CKM: variants seen among roughly 807,000 people sequenced by gnomAD.
CKM encodes creatine kinase M-type.
A neutral mutation model predicts 35.4 loss-of-function variants in CKM; 28 were observed. That is an observed-to-expected ratio of 0.79 (90% confidence interval 0.59 to 1.08). The LOEUF (loss-of-function observed/expected upper bound fraction) is 1.08. CKM is among the 50% of genes least tolerant of loss of function. The pLI is 0.00. For synonymous variants in CKM, 215 were observed against 204.4 expected, an observed-to-expected ratio of 1.05 and a Z score of -0.44; for missense variants, 484 against 509.8, an observed-to-expected ratio of 0.95 and a Z score of 0.49.
Position 45,306,990 on chromosome 19 carries a change from G to A in CKM, c.968-62C>T. ...GAAGGTGCAGAGGGGCTGGGACGTG[G>A]CCCCCGTGCCAAATGCAACAGCCGC... On this transcript the variant is annotated intron_variant, in intron 7 of 7. Transcript: ENST00000221476. The surrounding 1 kb of genome is among the most constrained non-coding windows in gnomAD (Gnocchi z 4.5). The A allele has an allele frequency of 1.9e-6, 3 of 1,566,770 alleles. No individual in the cohort carries two copies. Among genetic ancestry groups the A allele is most frequent in the Non-Finnish European group, 1.7e-6 (2 of 1,145,260 alleles).
At chr19:45,309,345 A>T in intron 5 of CKM, among the ~76,000 whole-genome samples, 1 of 151,956 alleles carries the variant, frequency 6.6e-6, no homozygotes, top group Non-Finnish European at 1.5e-5. Context: ...GCTTGAGCCC[A>T]GGAGTTCAAG....
At position 45,317,964 on chromosome 19, in the gene CKM, A is replaced by C. The variant is rs760997348; in HGVS notation, c.209T>G (p.Met70Arg). 9.3e-6 allele frequency: 15 copies of C among 1,613,822 alleles called. No homozygotes were observed. The highest frequency in any genetic ancestry group is 1.3e-5 in the Non-Finnish European group (15 of 1,179,966). The change falls in exon 3 of 8, where the codon ATG (methionine) becomes AGG (arginine). Residue 70 changes from methionine to arginine, a missense_variant. By Grantham distance (91) the Met-to-Arg change is moderately conservative. Coordinates refer to ENST00000221476, the MANE Select transcript of CKM (RefSeq NM_001824.5). Reference protein sequence around the residue: ...GVDNPGHPFIMTVGCVAGDEE... With the variant: ...GVDNPGHPFIRTVGCVAGDEE... The stretch of plus-strand genomic sequence containing the variant: ...ATCACCAGCCACGCAGCCCACGGTC[A>C]TGATGAAGGGGTGACCTGGAGGGGT...
intron 6 of CKM, among the ~76,000 whole-genome samples, chr19:45,307,973 C>T (rs1276073556): frequency 6.6e-6 from 1 of 151,366 alleles, no homozygotes; most frequent in Non-Finnish European, 1.5e-5. Flanking sequence ...AAGCGATTCT[C>T]CTGCCTCAGC....
rs191336443 is a variant in CKM at position 45,312,314 on chromosome 19, G to A, written c.482-394C>T. Among the ~76,000 whole-genome samples the A allele has an allele frequency of 5.0e-4, 76 of 152,336 alleles. 1 individual carries two copies. In the East Asian group the frequency reaches 0.012, roughly 25 times the overall value. On this transcript the variant is annotated intron_variant, in intron 4 of 7. Transcript: ENST00000221476. ...TATTATAAAGTAGAATGGTAGCCAG[G>A]TGCACTGGCACGAGCCTGTAGTCCA...
In CKM at chr19:45,307,548, C is replaced by A; in HGVS notation, c.880G>T (p.Gly294Cys). 1 of 1,614,170 alleles carries A rather than the reference C, an allele frequency of 6.2e-7. No individual in the cohort carries two copies. The highest frequency in any genetic ancestry group is 2.2e-5 in the East Asian group (1 of 44,890). ...PSNLGTGLRG[G>C]VHVKLAHLSK... ...AGGTGCGCCAGCTTCACATGCACGC[C>A]TCCACGCAGCCCAGTGCCCAGGTTG... Residue 294 changes from glycine to cysteine, a missense_variant, in exon 7 of 8, where the codon GGC (glycine) becomes TGC (cysteine). Transcript: ENST00000221476.
intron 5 of CKM, among the ~76,000 whole-genome samples, chr19:45,309,633 G>A (rs937007177): frequency 1.3e-5 from 2 of 151,804 alleles, no homozygotes; most frequent in Non-Finnish European, 2.9e-5. Context: ...AGGCTGAGGT[G>A]GGCGGATCAC....
At chr19:45,310,782 T>A (rs1166888368) in intron 5 of CKM, among the ~76,000 whole-genome samples, 5 of 135,180 alleles carry the variant, frequency 3.7e-5, no homozygotes, top group African/African-American at 1.4e-4. Context: ...TTTTTTTTTT[T>A]TTTTTTTTTG....
At chr19:45,308,347 C>T (rs955959878) in intron 6 of CKM, 62 bp downstream of exon 6, 2 of 1,608,012 alleles carry the variant, frequency 1.2e-6, no homozygotes, top group African/African-American at 2.7e-5. Context: ...GGCGGGGCCT[C>T]GGAAAGCAGG....
At chr19:45,309,636 C>A (rs1003595783) in intron 5 of CKM, among the ~76,000 whole-genome samples, 1 of 150,420 alleles carries the variant, frequency 6.6e-6, no homozygotes. Context: ...CTGAGGTGGG[C>A]GGATCACTTA....
chr19:45,311,772 G>T lies in CKM; in HGVS notation c.630C>A (p.Asp210Glu). The change falls in exon 5 of 8, where the codon GAC becomes GAA. Residue 210 changes from aspartate (D) to glutamate (E), a missense_variant. Transcript: ENST00000221476. Reference sequence around the variant, plus strand: ...ACCAGATGCCACGGGCGTCGGGCCAGTCGCGGGCCATGCCTGAGGCCAGCA... The same window carrying T: ...ACCAGATGCCACGGGCGTCGGGCCATTCGCGGGCCATGCCTGAGGCCAGCA... ...PLLLASGMAR[D>E]WPDARGIWHN... The T allele has an allele frequency of 6.3e-7, 1 of 1,597,400 alleles. No individual in the cohort carries two copies. Among genetic ancestry groups the T allele is most frequent in the South Asian group, 1.1e-5 (1 of 89,190 alleles).
rs567009963 is a variant in CKM, at chr19:45,314,931, T to C, written c.481+534A>G. On this transcript the variant is annotated intron_variant, in intron 4 of 7. Coordinates refer to ENST00000221476, the MANE Select transcript of CKM (RefSeq NM_001824.5). ...CTTGCTGTATTGCCCAGTCTGGTCTTGAACTCCTGGGCTCAAGCGACCCTC... is the reference window on the plus strand; with the variant it reads ...CTTGCTGTATTGCCCAGTCTGGTCTCGAACTCCTGGGCTCAAGCGACCCTC... Among the ~76,000 whole-genome samples the C allele has an allele frequency of 6.1e-4, 93 of 151,644 alleles. 1 individual carries two copies. Among genetic ancestry groups the C allele is most frequent in the Non-Finnish European group, 1.3e-3 (85 of 67,888 alleles).
intron 3 of CKM, among the ~76,000 whole-genome samples, chr19:45,316,854 T>G (rs1259162540): frequency 6.6e-6 from 1 of 151,412 alleles, no homozygotes; most frequent in African/African-American, 2.4e-5. Context: ...GCCTAGCTAA[T>G]TTTTGTATTT....
In CKM at chr19:45,319,587, G is replaced by T. The variant is rs140651487; in HGVS notation, c.127C>A (p.Arg43=). The part of the protein sequence containing the change: ...VLTLELYKKL[R]DKETPSGFTV... ...AAGCCAGATGGAGTCTCCTTGTCCC[G>T]CAGCTTCTTGTAGAGTTCAAGGGTC... Residue 43 remains arginine, a synonymous_variant, in exon 2 of 8, where the codon CGG becomes AGG. Transcript: ENST00000221476. The T allele has an allele frequency of 5.6e-6, 9 of 1,614,032 alleles. No individual in the cohort carries two copies. The highest frequency in any genetic ancestry group is 5.3e-5 in the African/African-American group (4 of 74,976).
intron 4 of CKM, among the ~76,000 whole-genome samples, chr19:45,314,127 AAGGG>A (rs1488691680): frequency 1.4e-5 from 2 of 144,914 alleles, no homozygotes; most frequent in Non-Finnish European, 3.0e-5. Flanking sequence ...GAAGGGAAGG[AAGGG>A]AGGGAGGGAA....
At chr19:45,313,598 G>A (rs1343947041) in intron 4 of CKM, among the ~76,000 whole-genome samples, 2 of 152,218 alleles carry the variant, frequency 1.3e-5, no homozygotes, top group Non-Finnish European at 2.9e-5. Context: ...TGTAATCCTA[G>A]TGGTTTGGGA....
intron 6 of CKM, among the ~76,000 whole-genome samples, chr19:45,308,153 TC>T (rs1971072431): frequency 1.3e-5 from 2 of 149,326 alleles, no homozygotes; most frequent in Non-Finnish European, 3.0e-5. Context: ...GAGCCACCGC[TC>T]CCGGCCTGAA....
intron 5 of CKM, among the ~76,000 whole-genome samples, chr19:45,309,117 A>G (rs944712979): frequency 5.3e-5 from 8 of 151,360 alleles, no homozygotes; most frequent in Non-Finnish European, 1.2e-4. Context: ...AGTCCCAGCT[A>G]CTCAGGAGGC....
intron 5 of CKM, 98 bp downstream of exon 5, chr19:45,311,651 G>C (rs1344785923): frequency 8.0e-6 from 8 of 996,896 alleles, no homozygotes; most frequent in Non-Finnish European, 1.2e-5. Flanking sequence ...TCATAATTAC[G>C]TATATGGCCT....
rs1971150393 is a variant in CKM, at chr19:45,315,592, TCCACCC to T, written c.349-1_353del. ...GCACGTAGTTAGGGTCCAGGTCGTC[TCCACCC>T]TGGAGAGCGGGTGGGAGATCAGGAC... On this transcript the variant is annotated splice_acceptor_variant and coding_sequence_variant, in exon 4 of 8. Coordinates refer to ENST00000221476, the MANE Select transcript of CKM (RefSeq NM_001824.5). LOFTEE classifies it high-confidence loss of function. The T allele has an allele frequency of 5.0e-6, 8 of 1,603,532 alleles. No homozygotes were observed. The highest frequency in any genetic ancestry group is 4.2e-6 in the Non-Finnish European group (5 of 1,179,934).
Sources: allele counts gnomAD v4.1 joint callset (sites outside exome capture counted in the v4.1 genomes callset), GRCh38; gene constraint gnomAD v4.1.1; non-coding constraint Gnocchi (gnomAD v3.1); transcripts MANE v1.5; gene names NCBI Gene and HGNC (gene_info 2026-07-23, HGNC 2026-07-21).